The following MGME1 variants were observed in gnomAD, a reference collection of about 807,000 sequenced individuals.
MGME1 encodes mitochondrial genome maintenance exonuclease 1, also known as chromosome 20 open reading frame 72.
In MGME1, 22 loss-of-function variants were observed where a neutral mutation model predicts 33.0. The observed-to-expected ratio is 0.67, with a 90% confidence interval of 0.48 to 0.95. The LOEUF (loss-of-function observed/expected upper bound fraction) is 0.95, where lower values mean the gene tolerates loss of function less well. MGME1 is among the 40% of genes least tolerant of loss of function. The pLI is 0.00. For synonymous variants in MGME1, 133 were observed against 144.0 expected (o/e 0.92, Z 0.55); for missense variants, 383 against 397.8 (o/e 0.96, Z 0.32).
intron 3 of MGME1, among the ~76,000 whole-genome samples, chr20:17,984,854 G>C (rs575685802): frequency 9.2e-5 from 14 of 151,854 alleles, no homozygotes; most frequent in Non-Finnish European, 2.1e-4. Flanking sequence ...TAGGCAACAC[G>C]ATGAAACTCC....
intron 3 of MGME1, among the ~76,000 whole-genome samples, chr20:17,983,232 A>G (rs1339685860): frequency 1.3e-5 from 2 of 149,536 alleles, no homozygotes; most frequent in African/African-American, 2.5e-5. Context: ...CAAATGACAG[A>G]ATTTCCTTCT....
rs1044531809 is a variant in MGME1 at position 17,990,199 on chromosome 20, A to G, written c.*90A>G. 35 of 1,111,852 alleles carry G rather than the reference A, an allele frequency of 3.1e-5. No individual in the cohort carries two copies. The highest frequency in any genetic ancestry group is 4.5e-5 in the Non-Finnish European group (33 of 733,360). 68.9% of individuals were successfully genotyped at this position (1,111,852 alleles called of 1,614,324 possible). ...TACTCCAGTGTAAAAATGAGGTGCC[A>G]CTGGATCTGAGTGCTACACGAACAC... On this transcript the variant is annotated 3_prime_UTR_variant, in exon 5 of 5. Transcript: ENST00000377710.
intron 3 of MGME1, among the ~76,000 whole-genome samples, chr20:17,981,646 CTCGTGT>C (rs2036021362): frequency 8.3e-6 from 1 of 120,226 alleles, no homozygotes; most frequent in African/African-American, 3.7e-5. Context: ...CAATCTACTA[CTCGTGT>C]GTGTGTGTGT....
chr20:17,980,852 ACATTCTTTTCT>A (rs1290911363), intron 3 of MGME1, among the ~76,000 whole-genome samples: 1 of 152,130 alleles, frequency 6.6e-6, no homozygotes, highest in African/African-American at 2.4e-5. Flanking sequence ...TAGATCTGTA[ACATTCTTTTCT>A]CATGTAATAA....
In MGME1 at chr20:17,990,171, G is replaced by C; in HGVS notation, c.*62G>C. Reference sequence around the variant, plus strand: ...TCACAGTTTGGGAACATATATTGCTGTTTACTCCAGTGTAAAAATGAGGTG... The same window carrying C: ...TCACAGTTTGGGAACATATATTGCTCTTTACTCCAGTGTAAAAATGAGGTG... On this transcript the variant is annotated 3_prime_UTR_variant, in exon 5 of 5. Coordinates refer to ENST00000377710, the MANE Select transcript of MGME1 (RefSeq NM_052865.4). 1.4e-6 allele frequency: 2 copies of C among 1,423,696 alleles called. No homozygotes were observed. The highest frequency in any genetic ancestry group is 1.2e-5 in the South Asian group (1 of 86,394). 88.2% of individuals were successfully genotyped at this position (1,423,696 alleles called of 1,614,324 possible). A position where few individuals can be genotyped will look rare whatever the true frequency, so the allele number is the denominator to read the frequency against.
intron 1 of MGME1, among the ~76,000 whole-genome samples, chr20:17,969,536 C>T (rs114054758): frequency 5.8e-4 from 89 of 152,360 alleles, no homozygotes; most frequent in Middle Eastern, 3.4e-3. Context: ...CTCGCACACG[C>T]CTCCCTTCCT....
At chr20:17,981,643 C>G (rs2036020667) in intron 3 of MGME1, among the ~76,000 whole-genome samples, 1 of 133,662 alleles carries the variant, frequency 7.5e-6, no homozygotes, top group South Asian at 2.5e-4. Flanking sequence ...GCCCAATCTA[C>G]TACTCGTGTG....
rs754020736 is a variant in MGME1, at chr20:17,986,257, C to T, written c.732-1909C>T. ...CTAATTTTTGTATTTTTAGTAGAGA[C>T]GAGGTTTCACCATGTTGGCCAGGCT... On this transcript the variant is annotated intron_variant, in intron 3 of 4. Transcript: ENST00000377710. 1.6e-4 allele frequency among the ~76,000 whole-genome samples: 24 copies of T among 151,994 alleles called. No homozygotes were observed. The South Asian group carries it at 2.3e-3, about 14-fold the overall frequency.
chr20:17,985,857 TG>T (rs1214554370), intron 3 of MGME1, among the ~76,000 whole-genome samples: 3 of 152,176 alleles, frequency 2.0e-5, no homozygotes, highest in Admixed American at 6.6e-5. Flanking sequence ...ATATACTCTA[TG>T]TTTGCACAAT....
intron 3 of MGME1, among the ~76,000 whole-genome samples, chr20:17,983,521 A>G (rs961979854): frequency 2.0e-5 from 3 of 152,312 alleles, no homozygotes; most frequent in Middle Eastern, 3.4e-3. Flanking sequence ...AGGAACCTCC[A>G]TGATGTTTTC....
intron 2 of MGME1, among the ~76,000 whole-genome samples, chr20:17,971,329 G>A (rs954196058): frequency 3.3e-5 from 5 of 152,084 alleles, no homozygotes; most frequent in Admixed American, 1.3e-4. Context: ...CAGCTGTGTG[G>A]GGCAAGGATT....
intron 3 of MGME1, 132 bp from the exon 4 acceptor site, chr20:17,988,034 G>GA: frequency 3.4e-6 from 3 of 872,024 alleles, no homozygotes; most frequent in Non-Finnish European, 5.0e-6. Context: ...TTTAAAAAAG[G>GA]AAAAAAATGG....
chr20:17,980,740 C>T (rs1017067369), intron 3 of MGME1, among the ~76,000 whole-genome samples: 1 of 149,826 alleles, frequency 6.7e-6, no homozygotes, highest in Non-Finnish European at 1.5e-5. Context: ...ACCCGGGAGG[C>T]GGAGCTGGCA....
At chr20:17,983,205 C>G (rs1375205942) in intron 3 of MGME1, among the ~76,000 whole-genome samples, 2 of 151,532 alleles carry the variant, frequency 1.3e-5, no homozygotes, top group East Asian at 3.9e-4. Flanking sequence ...AAATGTTCAC[C>G]ATGTTCACCC....
At position 17,983,267 on chromosome 20, in the gene MGME1, TTGTGTG is replaced by T. The variant is rs1555791107; in HGVS notation, c.732-4869_732-4864del. On this transcript the variant is annotated intron_variant, in intron 3 of 4. Coordinates refer to ENST00000377710, the MANE Select transcript of MGME1 (RefSeq NM_052865.4). ...TTTTTAAAGGCTATGTAGTGTTCTA[TTGTGTG>T]TGTGTGTGTGTGTGTGTGTGTGTGT... 4.5e-3 allele frequency among the ~76,000 whole-genome samples: 642 copies of T among 142,684 alleles called. 6 individuals carry two copies. The highest frequency in any genetic ancestry group is 0.016 in the African/African-American group (620 of 38,220). 93.6% of individuals were successfully genotyped at this position (142,684 alleles called of 152,430 possible).
At chr20:17,971,825 G>C (rs568548484) in intron 2 of MGME1, among the ~76,000 whole-genome samples, 1 of 152,176 alleles carries the variant, frequency 6.6e-6, no homozygotes, top group South Asian at 2.1e-4. Flanking sequence ...AGACTTGACC[G>C]CCGGGACCCA....
chr20:17,983,478 C>T (rs1297727187), intron 3 of MGME1, among the ~76,000 whole-genome samples: 1 of 152,076 alleles, frequency 6.6e-6, no homozygotes, highest in Admixed American at 6.6e-5. Flanking sequence ...TATAGTAGTT[C>T]TGGTTTCAGT....
In MGME1 at chr20:17,988,213, C is replaced by CT; in HGVS notation, c.783dup (p.Ile262TyrfsTer6). The CT allele has an allele frequency of 6.2e-7, 1 of 1,614,074 alleles. No individual in the cohort carries two copies. The highest frequency in any genetic ancestry group is 8.5e-7 in the Non-Finnish European group (1 of 1,179,970). ...TGGAAGACATCAGAGAAACCAAAGC[C>CT]TTTTATTCAAAGTACATTTGACAAC... On this transcript the variant is annotated frameshift_variant, in exon 4 of 5. Coordinates refer to ENST00000377710, the MANE Select transcript of MGME1 (RefSeq NM_052865.4). LOFTEE classifies it high-confidence loss of function.
At chr20:17,989,705 C>CTTT (rs34413983) in intron 4 of MGME1, among the ~76,000 whole-genome samples, 1 of 143,172 alleles carries the variant, frequency 7.0e-6, no homozygotes, top group Non-Finnish European at 1.5e-5. Context: ...CTTCTTGGGC[C>CTTT]TTTTTTTTTT....
Sources: gnomAD v4.1 joint callset for allele counts (sites outside exome capture counted in the v4.1 genomes callset) on GRCh38, gnomAD v4.1.1 for gene constraint, MANE v1.5 for transcripts, NCBI Gene and HGNC (gene_info 2026-07-23, HGNC 2026-07-21) for gene names.